Variants in DOCK11 observed in about 807,000 individuals in gnomAD.
DOCK11 encodes dedicator of cytokinesis 11, also known as dedicator of cytokinesis protein 11.
In DOCK11, 70 loss-of-function variants were observed where a neutral mutation model predicts 169.1. The ratio of observed to expected loss-of-function variants is 0.41; its 90% CI spans 0.34 to 0.51. The LOEUF is 0.51. DOCK11 is among the 20% of genes least tolerant of loss of function. The probability of loss-of-function intolerance (pLI) is 0.10; values close to 1 mark genes in which losing one functional copy is unlikely to be tolerated. For synonymous variants in DOCK11, 529 were observed against 541.3 expected, an observed-to-expected ratio of 0.98 and a Z score of 0.32; for missense variants, 1,166 against 1,538.8, an observed-to-expected ratio of 0.76 and a Z score of 4.05.
chrX:118,542,488 G>GC (rs1047809386), intron 1 of DOCK11, among the ~76,000 whole-genome samples: 2 of 102,894 alleles, frequency 1.9e-5, no homozygotes, highest in Non-Finnish European at 4.0e-5. Flanking sequence ...TTTATCTTTA[G>GC]CAAGAGAATG....
intron 18 of DOCK11, among the ~76,000 whole-genome samples, chrX:118,589,394 T>A (rs745921378): frequency 1.3e-3 from 145 of 111,528 alleles, no homozygotes; most frequent in South Asian, 1.5e-3. Flanking sequence ...TTCTTGCAAA[T>A]TGCCTTCATA....
rs764432560 is a variant in DOCK11 at position 118,504,262 on chromosome X, T to C, written c.102+8189T>C. Among the ~76,000 whole-genome samples the C allele has an allele frequency of 9.0e-5, 10 of 111,631 alleles. No homozygotes were observed. The East Asian group carries it at 2.8e-3, about 31-fold the overall frequency. On this transcript the variant is annotated intron_variant, in intron 1 of 52. Coordinates refer to ENST00000276202, the MANE Select transcript of DOCK11 (RefSeq NM_144658.4). ...AATGAACATTGTTCTGTTTATGGCA[T>C]TTCCCACATTTATTTGACCACAGAC...
chrX:118,607,336 C>T (rs1171139103), intron 24 of DOCK11, among the ~76,000 whole-genome samples: 3 of 105,820 alleles, frequency 2.8e-5, no homozygotes, highest in Non-Finnish European at 5.8e-5. Flanking sequence ...AGGCTGGTCT[C>T]GAACTCCTGA....
At chrX:118,499,074 G>A (rs902628574) in intron 1 of DOCK11, among the ~76,000 whole-genome samples, 1 of 111,969 alleles carries the variant, frequency 8.9e-6, no homozygotes. Context: ...TCTCAAGAGG[G>A]GATTGGGGAG....
rs750685103 is a variant in DOCK11, at chrX:118,676,611, T to C, written c.5334T>C (p.Asp1778=). The C allele has an allele frequency of 8.6e-7, 1 of 1,167,728 alleles. No individual in the cohort carries two copies. Among genetic ancestry groups the C allele is most frequent in the South Asian group, 2.0e-5 (1 of 49,576 alleles). ...FYGQSFFEEE[D]GKEYIYKEPK... is the part of the protein sequence containing the mutation. The stretch of plus-strand genomic sequence containing the variant: ...AATAGTCTTTTTTTGAAGAAGAAGA[T>C]GGAAAGGAGTACATCTATAAAGAAC... Residue 1778 remains aspartate (D), a synonymous_variant, in exon 48 of 53, where the codon GAT becomes GAC. Transcript: ENST00000276202.
At chrX:118,587,451 CA>C (rs1259998734) in intron 16 of DOCK11, among the ~76,000 whole-genome samples, 1 of 111,698 alleles carries the variant, frequency 9.0e-6, no homozygotes, top group African/African-American at 3.3e-5. Flanking sequence ...ACAAAAAATA[CA>C]GCATCCTCAG....
intron 1 of DOCK11, among the ~76,000 whole-genome samples, chrX:118,502,675 G>A (rs1271794084): frequency 9.0e-6 from 1 of 111,538 alleles, no homozygotes; most frequent in Non-Finnish European, 1.9e-5. Flanking sequence ...CCTCCCTTGT[G>A]GAGTTCTTGG....
chrX:118,537,266 T>C (rs1398453875), intron 1 of DOCK11, among the ~76,000 whole-genome samples: 1 of 111,405 alleles, frequency 9.0e-6, no homozygotes. Context: ...GGGATGTTTT[T>C]GAATTGGCTC....
chrX:118,626,457 A>G (rs769605102), intron 32 of DOCK11, among the ~76,000 whole-genome samples: 46 of 111,825 alleles, frequency 4.1e-4, no homozygotes, highest in African/African-American at 1.4e-3. Context: ...TGTCCAAATT[A>G]TACACTTTAT....
chrX:118,599,634 G>A (rs2014275280), intron 23 of DOCK11, among the ~76,000 whole-genome samples: 1 of 112,011 alleles, frequency 8.9e-6, no homozygotes, highest in South Asian at 3.7e-4. Context: ...ATGGGTGATA[G>A]ACTAACAAAG....
chrX:118,657,860 C>A (rs960740971), intron 44 of DOCK11, among the ~76,000 whole-genome samples: 1 of 109,932 alleles, frequency 9.1e-6, no homozygotes, highest in Non-Finnish European at 1.9e-5. Context: ...GAATTAAAGA[C>A]TACACATTGG....
At chrX:118,558,234 A>G (rs1376029960) in intron 6 of DOCK11, among the ~76,000 whole-genome samples, 7 of 110,195 alleles carry the variant, frequency 6.4e-5, no homozygotes, top group Non-Finnish European at 5.7e-5. Context: ...CGGCCTCCCA[A>G]AGTGTTGGGA....
At chrX:118,648,519 A>AAC (rs2015855464) in intron 40 of DOCK11, among the ~76,000 whole-genome samples, 1 of 89,851 alleles carries the variant, frequency 1.1e-5, no homozygotes, top group African/African-American at 4.2e-5. Flanking sequence ...ATTAATATGT[A>AAC]ATATATATAT....
chrX:118,578,719 C>T, intron 13 of DOCK11, 72 bp downstream of exon 13: 3 of 1,024,634 alleles, frequency 2.9e-6, no homozygotes, highest in Non-Finnish European at 4.0e-6. Context: ...ATTTTAAATG[C>T]CATTGCTTTG....
At chrX:118,627,844 A>G (rs1253529599) in intron 33 of DOCK11, among the ~76,000 whole-genome samples, 1 of 112,138 alleles carries the variant, frequency 8.9e-6, no homozygotes, top group East Asian at 2.8e-4. Flanking sequence ...ATCTGTCACC[A>G]GTTTTAAGCC....
chrX:118,538,764 C>G, intron 1 of DOCK11: 1 of 503,156 alleles, frequency 2.0e-6, no homozygotes, highest in Non-Finnish European at 2.4e-6. Flanking sequence ...TCAGTGCACA[C>G]TGGCAGAAAG....
rs2057532197 is a variant in DOCK11, at chrX:118,495,904, C to T, written c.-68C>T. The T allele has an allele frequency of 9.9e-6, 7 of 708,635 alleles. No individual in the cohort carries two copies. The highest frequency in any genetic ancestry group is 1.3e-5 in the Non-Finnish European group (7 of 558,142). 58.4% of individuals were successfully genotyped at this position (708,635 alleles called of 1,213,427 possible). A position where few individuals can be genotyped will look rare whatever the true frequency, so the allele number is the denominator to read the frequency against. On this transcript the variant is annotated 5_prime_UTR_variant, in exon 1 of 53. Transcript: ENST00000276202. ...CAGCAGCGGCCGCGGCCGCCGCGGG[C>T]CGGGGCAGTGAGTCCACCCGCCCGC...
chrX:118,622,086 C>T (rs145669245), intron 31 of DOCK11, among the ~76,000 whole-genome samples: 1,363 of 111,779 alleles, frequency 0.012, 13 homozygotes, highest in Non-Finnish European at 0.018. Context: ...ACTTCTAGTT[C>T]GGCTGTGGGC....
chrX:118,586,489 G>A (rs2013818946), intron 16 of DOCK11, among the ~76,000 whole-genome samples: 1 of 111,193 alleles, frequency 9.0e-6, no homozygotes, highest in South Asian at 3.8e-4. Context: ...ACAGCATGGG[G>A]GAAACCGCCC....
Sources: allele counts gnomAD v4.1 joint callset (sites outside exome capture counted in the v4.1 genomes callset), GRCh38; gene constraint gnomAD v4.1.1; transcripts MANE v1.5; gene names NCBI Gene and HGNC (gene_info 2026-07-23, HGNC 2026-07-21).